MC2R: variants seen among roughly 807,000 people sequenced by gnomAD.
The protein encoded by MC2R is adrenocorticotropic hormone receptor.
In MC2R, 9 loss-of-function variants were observed where a neutral mutation model predicts 9.8. That is an observed-to-expected ratio of 0.92 (90% confidence interval 0.55 to 1.60). MC2R has a LOEUF of 1.60. Among genes scored for constraint, MC2R ranks in the 40% most tolerant of loss-of-function variants. The pLI, the probability that MC2R is intolerant of heterozygous loss-of-function variation, is 0.00. For missense variants in MC2R, 370 were observed against 389.0 expected (o/e 0.95, Z 0.41); for synonymous variants, 185 against 154.7 (o/e 1.20, Z -1.45).
intron 1 of MC2R, among the ~76,000 whole-genome samples, chr18:13,894,672 T>A (rs1436085975): frequency 6.6e-6 from 1 of 152,254 alleles, no homozygotes; most frequent in Non-Finnish European, 1.5e-5. Context: ...GTTTCCATGC[T>A]GTTTTCTCAC....
intron 1 of MC2R, among the ~76,000 whole-genome samples, chr18:13,886,889 T>C (rs570810414): frequency 6.6e-6 from 1 of 152,050 alleles, no homozygotes; most frequent in South Asian, 2.1e-4. Context: ...CTAATTACCT[T>C]GGAAAGGATT....
At chr18:13,896,496 C>G (rs1179315761) in intron 1 of MC2R, among the ~76,000 whole-genome samples, 1 of 151,998 alleles carries the variant, frequency 6.6e-6, no homozygotes, top group Non-Finnish European at 1.5e-5. Context: ...TGAACAATGA[C>G]AGTTCAGAGA....
intron 1 of MC2R, among the ~76,000 whole-genome samples, chr18:13,900,265 A>G (rs1316456338): frequency 1.3e-5 from 2 of 152,168 alleles, no homozygotes; most frequent in Non-Finnish European, 2.9e-5. Context: ...CAATGGATAC[A>G]CAAAAAACCA....
At chr18:13,899,972 T>A (rs1360589181) in intron 1 of MC2R, among the ~76,000 whole-genome samples, 53 of 152,130 alleles carry the variant, frequency 3.5e-4, no homozygotes, top group African/African-American at 1.1e-3. Context: ...ATCATAACAC[T>A]GTAACTGTGC....
At chr18:13,887,950 C>A (rs1156509361) in intron 1 of MC2R, among the ~76,000 whole-genome samples, 1 of 152,092 alleles carries the variant, frequency 6.6e-6, no homozygotes, top group Non-Finnish European at 1.5e-5. Context: ...TGTTTATTTT[C>A]CTCTTCAGAA....
chr18:13,901,837 G>A (rs1229079383), intron 1 of MC2R, among the ~76,000 whole-genome samples: 3 of 151,978 alleles, frequency 2.0e-5, no homozygotes, highest in African/African-American at 7.2e-5. Context: ...TACTCAAACT[G>A]TTTTGAAAAA....
intron 1 of MC2R, among the ~76,000 whole-genome samples, chr18:13,905,387 G>A (rs193031681): frequency 1.1e-3 from 166 of 152,142 alleles, no homozygotes; most frequent in Non-Finnish European, 2.3e-3. Context: ...TCAGGTGGCT[G>A]AGGCAGAAGA....
chr18:13,884,371 T>TA lies in MC2R; in HGVS notation c.*253dup. 1 of 547,018 alleles carries TA rather than the reference T, an allele frequency of 1.8e-6. No individual in the cohort carries two copies. The highest frequency in any genetic ancestry group is 3.3e-6 in the Non-Finnish European group (1 of 304,942). 33.9% of individuals were successfully genotyped at this position (547,018 alleles called of 1,614,324 possible). On this transcript the variant is annotated 3_prime_UTR_variant, in exon 2 of 2. Coordinates refer to ENST00000327606, the MANE Select transcript of MC2R (RefSeq NM_000529.2). ...CAAAAACCTTAATTACTTTTGTACC[T>TA]ACCTAATACTTTGTATTCTATCCTT...
rs747679664 is a variant in MC2R at position 13,884,632 on chromosome 18, T to C, written c.887A>G (p.Tyr296Cys). The C allele has an allele frequency of 3.7e-6, 6 of 1,612,552 alleles. No individual in the cohort carries two copies. The East Asian group carries it at 1.3e-4, about 36-fold the overall frequency. Residue 296 changes from tyrosine to cysteine, a missense_variant, in exon 2 of 2, where the codon TAC becomes TGC. Physicochemically the swap from Tyr to Cys is radical, Grantham distance 194 (BLOSUM62 -2). Coordinates refer to ENST00000327606, the MANE Select transcript of MC2R (RefSeq NM_000529.2). Reference sequence around the variant, plus strand: ...AACCAGGGATCAGCCATTCTACCAGTACCTGCTGCAGAAGATCATCTTTTT... The same window carrying C: ...AACCAGGGATCAGCCATTCTACCAGCACCTGCTGCAGAAGATCATCTTTTT... ...AFKKMIFCSR[Y>C]W
chr18:13,907,870 C>T (rs180865662), intron 1 of MC2R, among the ~76,000 whole-genome samples: 8 of 152,120 alleles, frequency 5.3e-5, no homozygotes, highest in South Asian at 4.1e-4. Context: ...TATCCAAAAA[C>T]GGGCGATATC....
At chr18:13,907,152 C>T (rs779219195) in intron 1 of MC2R, among the ~76,000 whole-genome samples, 6 of 152,150 alleles carry the variant, frequency 3.9e-5, no homozygotes, top group South Asian at 2.1e-4. Flanking sequence ...AACATCAGCA[C>T]GGCATCAGCA....
rs778799822 is a variant in MC2R at position 13,884,625 on chromosome 18, C to T, written c.894G>A (p.Ter298=). ...KKMIFCSRYW[*] ...ATTCTAAAACCAGGGATCAGCCATT[C>T]TACCAGTACCTGCTGCAGAAGATCA... Residue 298 remains the stop codon, a stop_retained_variant, in exon 2 of 2, where the codon TAG becomes TAA. Coordinates refer to ENST00000327606, the MANE Select transcript of MC2R (RefSeq NM_000529.2). The T allele has an allele frequency of 6.2e-7, 1 of 1,612,176 alleles. No homozygotes were observed. The highest frequency in any genetic ancestry group is 2.2e-5 in the East Asian group (1 of 44,868).
chr18:13,891,355 T>C (rs2045314633), intron 1 of MC2R, among the ~76,000 whole-genome samples: 1 of 152,260 alleles, frequency 6.6e-6, no homozygotes, highest in Non-Finnish European at 1.5e-5. Flanking sequence ...TGGTTTCCAA[T>C]ATTTTGCTGT....
In MC2R at chr18:13,915,501, G is replaced by A. The variant is rs2045470808; in HGVS notation, c.-142C>T. On this transcript the variant is annotated 5_prime_UTR_variant, in exon 1 of 2. Transcript: ENST00000327606. ...AAATGTACTTACCTTCAGCTCTGAA[G>A]CAGGAACTTTCTGGGCAAAATGAAT... The A allele has an allele frequency of 6.5e-6, 1 of 152,854 alleles. No individual in the cohort carries two copies. Among genetic ancestry groups the A allele is most frequent in the African/African-American group, 2.4e-5 (1 of 41,444 alleles). The allele number at this position is 152,854 out of a possible 1,614,324, so 9.5% of individuals were successfully genotyped here. A position where few individuals can be genotyped will look rare whatever the true frequency, so the allele number is the denominator to read the frequency against.
chr18:13,910,676 C>T (rs1317009001), intron 1 of MC2R, among the ~76,000 whole-genome samples: 1 of 152,188 alleles, frequency 6.6e-6, no homozygotes, highest in Non-Finnish European at 1.5e-5. Context: ...GTTCCCTGAC[C>T]AGGGGCTGCT....
chr18:13,903,430 T>A (rs947264273), intron 1 of MC2R, among the ~76,000 whole-genome samples: 2 of 152,226 alleles, frequency 1.3e-5, no homozygotes, highest in African/African-American at 2.4e-5. Context: ...AGCTAAGATT[T>A]GGAAGCAACC....
intron 1 of MC2R, among the ~76,000 whole-genome samples, chr18:13,913,796 A>C (rs1372853011): frequency 1.3e-5 from 2 of 152,068 alleles, no homozygotes; most frequent in East Asian, 1.9e-4. Flanking sequence ...CCGTCTATGC[A>C]CCTGTAGCTG....
rs761446119 is a variant in MC2R at position 13,883,623 on chromosome 18, A to T, written c.*1002T>A. On this transcript the variant is annotated 3_prime_UTR_variant, in exon 2 of 2. Coordinates refer to ENST00000327606, the MANE Select transcript of MC2R (RefSeq NM_000529.2). ...CACACACACACACACACACACACAC[A>T]CACACTCTCTCTCTCTCTCTCTCTC... 0.017 allele frequency: 848 copies of T among 49,058 alleles called. 8 individuals carry two copies. Among genetic ancestry groups the T allele is most frequent in the African/African-American group, 0.045 (755 of 16,662 alleles). 3.0% of individuals were successfully genotyped at this position (49,058 alleles called of 1,614,324 possible). A position where few individuals can be genotyped will look rare whatever the true frequency, so the allele number is the denominator to read the frequency against.
intron 1 of MC2R, among the ~76,000 whole-genome samples, chr18:13,887,417 G>A (rs111414708): frequency 0.03 from 2,439 of 82,164 alleles, 47 homozygotes; most frequent in Non-Finnish European, 0.037. Context: ...ACCTGCTGGG[G>A]AAGCCTCAGG....
Sources: gnomAD v4.1 joint callset for allele counts (sites outside exome capture counted in the v4.1 genomes callset) on GRCh38, gnomAD v4.1.1 for gene constraint, MANE v1.5 for transcripts, NCBI Gene and HGNC (gene_info 2026-07-23, HGNC 2026-07-21) for gene names.